The following FBN2 variants were observed in gnomAD, a reference collection of about 807,000 sequenced individuals.
The protein encoded by FBN2 is fibrillin 2.
In FBN2, 105 loss-of-function variants were observed where a neutral mutation model predicts 355.6. That is an observed-to-expected ratio of 0.30 (90% CI 0.25 to 0.35). The LOEUF (loss-of-function observed/expected upper bound fraction) is 0.35, where lower values mean the gene tolerates loss of function less well. FBN2 is among the 10% of genes least tolerant of loss of function. FBN2 has a pLI of 1.00. For synonymous variants in FBN2, 1,350 were observed against 1,301.2 expected (o/e 1.04, Z -0.81); for missense variants, 3,280 against 3,758.7 (o/e 0.87, Z 3.33).
chr5:128,401,127 T>C (rs1451400309), intron 8 of FBN2, among the ~76,000 whole-genome samples: 2 of 152,242 alleles, frequency 1.3e-5, no homozygotes, highest in East Asian at 1.9e-4. Flanking sequence ...GTCTCTGGTA[T>C]GTCTTTCTCA....
chr5:128,436,885 G>A (rs1312640351), intron 7 of FBN2, among the ~76,000 whole-genome samples: 1 of 152,134 alleles, frequency 6.6e-6, no homozygotes, highest in Admixed American at 6.5e-5. Context: ...CTGGGCTGAG[G>A]TGGAGATGTA....
At chr5:128,510,376 T>C (rs776329003) in intron 5 of FBN2, among the ~76,000 whole-genome samples, 5 of 152,242 alleles carry the variant, frequency 3.3e-5, no homozygotes, top group Non-Finnish European at 5.9e-5. Context: ...CAAACTTCCA[T>C]GTTGTAGCAC....
intron 5 of FBN2, among the ~76,000 whole-genome samples, chr5:128,518,467 A>C (rs1187075545): frequency 6.6e-6 from 1 of 152,000 alleles, no homozygotes; most frequent in Non-Finnish European, 1.5e-5. Flanking sequence ...CAGATACCCA[A>C]TCATCCCTTC....
chr5:128,260,906 G>C (rs993267824), intron 64 of FBN2, among the ~76,000 whole-genome samples: 7 of 152,104 alleles, frequency 4.6e-5, no homozygotes, highest in African/African-American at 1.7e-4. Flanking sequence ...ACCTCATACT[G>C]TCTCAGATCT....
intron 7 of FBN2, among the ~76,000 whole-genome samples, chr5:128,433,084 T>C (rs1032249536): frequency 2.0e-5 from 3 of 152,094 alleles, no homozygotes; most frequent in African/African-American, 7.2e-5. Context: ...GTGGAGATTA[T>C]GGGGATTAAA....
At chr5:128,421,926 C>T (rs762916304) in intron 7 of FBN2, among the ~76,000 whole-genome samples, 11 of 152,144 alleles carry the variant, frequency 7.2e-5, no homozygotes, top group Non-Finnish European at 1.6e-4. Flanking sequence ...CCTAGATTAT[C>T]TGGTCCTCTG....
chr5:128,534,131 G>C (rs1016881436), intron 2 of FBN2, among the ~76,000 whole-genome samples: 1 of 152,062 alleles, frequency 6.6e-6, no homozygotes. Context: ...ACAAATGTAT[G>C]AGAAAATTAA....
chr5:128,520,856 T>C (rs927156636), intron 4 of FBN2, among the ~76,000 whole-genome samples: 1 of 151,948 alleles, frequency 6.6e-6, no homozygotes, highest in Non-Finnish European at 1.5e-5. Context: ...GAGTCCTACA[T>C]AGCACTTCCC....
chr5:128,301,669 CATATAATTA>C (rs1479048712), intron 46 of FBN2, among the ~76,000 whole-genome samples, 159 bp from the exon 47 acceptor site: 4 of 152,130 alleles, frequency 2.6e-5, no homozygotes, highest in Admixed American at 2.6e-4. Flanking sequence ...TCATAAGGAT[CATATAATTA>C]ATAGGATCCC....
intron 5 of FBN2, among the ~76,000 whole-genome samples, chr5:128,516,402 A>G (rs1343941125): frequency 6.6e-6 from 1 of 151,302 alleles, no homozygotes; most frequent in Non-Finnish European, 1.5e-5. Context: ...GCTAAGTATA[A>G]AAGGTCATTG....
intron 6 of FBN2, among the ~76,000 whole-genome samples, chr5:128,453,364 A>G (rs1581310620): frequency 6.6e-6 from 1 of 152,158 alleles, no homozygotes; most frequent in South Asian, 2.1e-4. Flanking sequence ...CTTTCCAAGA[A>G]TATCTCAAAT....
intron 4 of FBN2, among the ~76,000 whole-genome samples, chr5:128,522,319 A>AT (rs1473174226): frequency 6.6e-6 from 1 of 152,108 alleles, no homozygotes; most frequent in African/African-American, 2.4e-5. Context: ...ATTTCACGGC[A>AT]TTTTTTCAAG....
intron 2 of FBN2, among the ~76,000 whole-genome samples, chr5:128,532,348 C>T (rs1171704013): frequency 1.3e-5 from 2 of 152,170 alleles, no homozygotes; most frequent in Admixed American, 1.3e-4. Flanking sequence ...AGGGTCATCA[C>T]AGCAAAGAAT....
chr5:128,352,771 C>T (rs1002112577), intron 20 of FBN2, among the ~76,000 whole-genome samples: 1 of 152,090 alleles, frequency 6.6e-6, no homozygotes, highest in East Asian at 1.9e-4. Context: ...AAACACTTTA[C>T]CAAAACCTCA....
chr5:128,267,605 C>T (rs1253278631), intron 62 of FBN2, among the ~76,000 whole-genome samples: 3 of 152,102 alleles, frequency 2.0e-5, no homozygotes, highest in Non-Finnish European at 1.5e-5. Context: ...GTTTGTTGGC[C>T]ACATAAATGT....
intron 56 of FBN2, among the ~76,000 whole-genome samples, chr5:128,279,583 C>T (rs953250203): frequency 6.6e-6 from 1 of 152,086 alleles, no homozygotes; most frequent in African/African-American, 2.4e-5. Flanking sequence ...TTGAAATACT[C>T]TTTTTATGTT....
At chr5:128,334,501 C>G (rs1376893611) in intron 31 of FBN2, among the ~76,000 whole-genome samples, 1 of 152,108 alleles carries the variant, frequency 6.6e-6, no homozygotes, top group African/African-American at 2.4e-5. Flanking sequence ...TCTGTCACAG[C>G]CCACAGCCAG....
At chr5:128,311,979 G>C in intron 37 of FBN2, 26 bp from the exon 38 acceptor site, 1 of 1,510,696 alleles carries the variant, frequency 6.6e-7, no homozygotes, top group Non-Finnish European at 9.2e-7. Flanking sequence ...AAAATAAGAG[G>C]TTTGATACCT....
Position 128,290,880 on chromosome 5 carries a change from A to T in FBN2, c.6297T>A (p.Thr2099=). 1 of 1,613,926 alleles carries T rather than the reference A, an allele frequency of 6.2e-7. No homozygotes were observed. ...LSDNGRRCFD[T]RQSFCFTNFE... ...AATTTGTGAAGCAGAAGCTCTGGCG[A>T]GTATCTAATCAAAAAAGCAAACATT... Residue 2099 remains threonine, a synonymous_variant, in exon 50 of 65, where the codon ACT becomes ACA. Transcript: ENST00000262464.
Sources: gnomAD v4.1 joint callset for allele counts (sites outside exome capture counted in the v4.1 genomes callset) on GRCh38, gnomAD v4.1.1 for gene constraint, MANE v1.5 for transcripts, NCBI Gene and HGNC (gene_info 2026-07-23, HGNC 2026-07-21) for gene names.